RGS7: variants seen among roughly 807,000 people sequenced by gnomAD.
The protein encoded by RGS7 is regulator of G-protein signaling 7.
In RGS7, 27 loss-of-function variants were observed where a neutral mutation model predicts 81.1. That is an observed-to-expected ratio of 0.33 (90% CI 0.25 to 0.46). RGS7 has a LOEUF of 0.46. Among genes scored for constraint, RGS7 ranks in the 20% least tolerant of loss-of-function variants. The pLI is 1.00. For missense variants in RGS7, 396 were observed against 607.4 expected (o/e 0.65, Z 3.66); for synonymous variants, 208 against 207.7 (o/e 1.00, Z -0.01).
intron 3 of RGS7, 29 bp from the exon 4 acceptor site, chr1:240,983,158 CA>C: frequency 7.9e-7 from 1 of 1,267,408 alleles, no homozygotes; most frequent in African/African-American, 1.5e-5. Flanking sequence ...AAAACACAAA[CA>C]GATGTGAACA....
At chr1:241,004,719 C>T (rs1288051182) in intron 3 of RGS7, among the ~76,000 whole-genome samples, 1 of 152,216 alleles carries the variant, frequency 6.6e-6, no homozygotes, top group Admixed American at 6.5e-5. Context: ...CTAGATTCTT[C>T]TGGCCTCTCT....
intron 2 of RGS7, 118 bp downstream of exon 2, chr1:241,355,581 C>G: frequency 1.1e-6 from 1 of 875,874 alleles, no homozygotes; most frequent in Non-Finnish European, 2.0e-6. Context: ...TACATAATCA[C>G]TGATGATCTG....
rs367671794 is a variant in RGS7, at chr1:241,149,786, T to A, written c.79-51024A>T. On this transcript the variant is annotated intron_variant, in intron 2 of 18. Transcript: ENST00000440928. ...GAGTGGTGGGCATTTCTTTTATTTT[T>A]ATATTTTGAGATGGAATCTTGCTCT... Among the ~76,000 whole-genome samples, 159 of 152,232 alleles carry A rather than the reference T, an allele frequency of 1.0e-3. 1 individual carries two copies. Among genetic ancestry groups the A allele is most frequent in the African/African-American group, 3.7e-3 (153 of 41,530 alleles).
rs1161090389 is a variant in RGS7 at position 241,089,063 on chromosome 1, C to CTA, written c.175+9601_175+9602dup. Among the ~76,000 whole-genome samples the CTA allele has an allele frequency of 7.1e-3, 167 of 23,676 alleles. 10 individuals are homozygous for CTA. The highest frequency in any genetic ancestry group is 8.9e-3 in the South Asian group (6 of 674). 15.5% of individuals were successfully genotyped at this position (23,676 alleles called of 152,430 possible). A position where few individuals can be genotyped will look rare whatever the true frequency, so the allele number is the denominator to read the frequency against. ...TCTCTCTCTCTCTCTCTCTCTCTCTCTATATATATATATATATATATATAT... is the reference window on the plus strand; with the variant it reads ...TCTCTCTCTCTCTCTCTCTCTCTCTCTATATATATATATATATATATATATAT... On this transcript the variant is annotated intron_variant, in intron 3 of 18. Transcript: ENST00000440928.
At chr1:240,805,331 C>A (rs985303677) in intron 15 of RGS7, among the ~76,000 whole-genome samples, 2 of 152,096 alleles carry the variant, frequency 1.3e-5, no homozygotes, top group African/African-American at 4.8e-5. Context: ...CTATAGCGAG[C>A]CATGATCATG....
At chr1:241,162,056 A>C (rs924324341) in intron 2 of RGS7, among the ~76,000 whole-genome samples, 1 of 152,086 alleles carries the variant, frequency 6.6e-6, no homozygotes, top group Admixed American at 6.6e-5. Context: ...GGCAGACGTG[A>C]GCAGGTCAGG....
intron 3 of RGS7, among the ~76,000 whole-genome samples, chr1:241,002,386 T>A (rs1166094762): frequency 6.0e-5 from 9 of 150,732 alleles, no homozygotes. Flanking sequence ...CCGGGAGGCG[T>A]AGGTTGCACT....
intron 2 of RGS7, among the ~76,000 whole-genome samples, chr1:241,195,457 A>C (rs1335284876): frequency 4.6e-5 from 7 of 152,094 alleles, no homozygotes; most frequent in African/African-American, 1.7e-4. Context: ...GCCTGGGTGA[A>C]AAGAGCAAGA....
At chr1:241,174,895 GTTTTT>G (rs551122102) in intron 2 of RGS7, among the ~76,000 whole-genome samples, 22 of 69,230 alleles carry the variant, frequency 3.2e-4, no homozygotes, top group African/African-American at 1.3e-3. Flanking sequence ...ACAGAATTTT[GTTTTT>G]TTTTTTTTTT....
chr1:240,926,896 A>C (rs1180504970), intron 6 of RGS7, among the ~76,000 whole-genome samples: 1 of 152,222 alleles, frequency 6.6e-6, no homozygotes, highest in Non-Finnish European at 1.5e-5. Context: ...GAACAGAATC[A>C]AAACATTCCA....
chr1:241,341,957 C>T (rs374569752), intron 2 of RGS7, among the ~76,000 whole-genome samples: 1 of 148,504 alleles, frequency 6.7e-6, no homozygotes, highest in African/African-American at 2.5e-5. Context: ...TCACTGCAAC[C>T]TCTGCCACCC....
chr1:241,044,729 G>C (rs560631108), intron 3 of RGS7, among the ~76,000 whole-genome samples: 1 of 152,152 alleles, frequency 6.6e-6, no homozygotes, highest in African/African-American at 2.4e-5. Flanking sequence ...CACCACACCT[G>C]ACTTGTTTCT....
intron 2 of RGS7, among the ~76,000 whole-genome samples, chr1:241,249,591 A>G (rs2076730011): frequency 2.6e-5 from 4 of 152,184 alleles, no homozygotes; most frequent in Admixed American, 2.0e-4. Context: ...TCAATTTGTC[A>G]GGTTCTACGA....
intron 2 of RGS7, among the ~76,000 whole-genome samples, chr1:241,310,405 GTGTC>G (rs1196710439): frequency 6.6e-6 from 1 of 150,648 alleles, no homozygotes. Flanking sequence ...GTGTGTTTGT[GTGTC>G]TGTGTGTGTG....
chr1:241,048,051 C>A (rs1178084136), intron 3 of RGS7, among the ~76,000 whole-genome samples: 1 of 151,988 alleles, frequency 6.6e-6, no homozygotes, highest in Non-Finnish European at 1.5e-5. Context: ...GTTTACAATT[C>A]TTAATTGCCT....
chr1:241,122,290 T>C (rs2066332567), intron 2 of RGS7, among the ~76,000 whole-genome samples: 1 of 152,206 alleles, frequency 6.6e-6, no homozygotes, highest in Non-Finnish European at 1.5e-5. Flanking sequence ...GGATGCCTAG[T>C]GTGTACCACA....
chr1:240,833,373 T>C (rs920596210), intron 9 of RGS7, among the ~76,000 whole-genome samples: 1 of 152,222 alleles, frequency 6.6e-6, no homozygotes, highest in Non-Finnish European at 1.5e-5. Flanking sequence ...GAATTTTCCA[T>C]TTAATATTTT....
chr1:241,293,456 G>C (rs1043201919), intron 2 of RGS7, among the ~76,000 whole-genome samples: 3 of 152,106 alleles, frequency 2.0e-5, no homozygotes, highest in African/African-American at 4.8e-5. Flanking sequence ...TGTCATAGGA[G>C]ATGACAGCTC....
At chr1:241,147,546 T>C (rs1342270261) in intron 2 of RGS7, among the ~76,000 whole-genome samples, 1 of 151,940 alleles carries the variant, frequency 6.6e-6, no homozygotes, top group Non-Finnish European at 1.5e-5. Context: ...TAGTTTTTCC[T>C]TCTCCATATT....
Sources: allele counts gnomAD v4.1 joint callset (sites outside exome capture counted in the v4.1 genomes callset), GRCh38; gene constraint gnomAD v4.1.1; transcripts MANE v1.5; gene names NCBI Gene and HGNC (gene_info 2026-07-23, HGNC 2026-07-21).